The following NRXN3 variants were observed in gnomAD, a reference collection of about 807,000 sequenced individuals.
NRXN3 encodes neurexin 3.
In NRXN3, 32 loss-of-function variants were observed where a neutral mutation model predicts 137.6. The observed-to-expected ratio is 0.23, with a 90% confidence interval of 0.18 to 0.31. The LOEUF is 0.31. Among genes scored for constraint, NRXN3 ranks in the 10% least tolerant of loss-of-function variants. The pLI is 1.00. For synonymous variants in NRXN3, 798 were observed against 784.5 expected, an observed-to-expected ratio of 1.02 and a Z score of -0.29; for missense variants, 1,574 against 2,062.5, an observed-to-expected ratio of 0.76 and a Z score of 4.59.
chr14:78,938,002 G>T (rs1323377249), intron 10 of NRXN3, among the ~76,000 whole-genome samples: 1 of 152,224 alleles, frequency 6.6e-6, no homozygotes, highest in Admixed American at 6.5e-5. Context: ...TTAGACAAGT[G>T]ATTATTACTG....
chr14:79,329,458 G>T (rs1466106626), intron 15 of NRXN3, among the ~76,000 whole-genome samples: 1 of 152,086 alleles, frequency 6.6e-6, no homozygotes, highest in East Asian at 1.9e-4. Context: ...GACTCTACTG[G>T]CTGCATACCC....
chr14:78,685,569 A>G (rs2098117760), intron 6 of NRXN3, among the ~76,000 whole-genome samples: 1 of 149,356 alleles, frequency 6.7e-6, no homozygotes, highest in Admixed American at 6.7e-5. Context: ...TGGAATTGTC[A>G]TTACTCAAAT....
At chr14:78,771,519 C>T (rs181072699) in intron 8 of NRXN3, among the ~76,000 whole-genome samples, 236 of 152,266 alleles carry the variant, frequency 1.5e-3, no homozygotes, top group Non-Finnish European at 2.7e-3. Flanking sequence ...AGAAGATCTC[C>T]TCCAAGAGAA....
intron 16 of NRXN3, among the ~76,000 whole-genome samples, chr14:79,588,577 C>T (rs987756965): frequency 1.3e-5 from 2 of 152,150 alleles, no homozygotes; most frequent in African/African-American, 4.8e-5. Context: ...CTCTGTGGGA[C>T]TTACAGTAAT....
intron 19 of NRXN3, among the ~76,000 whole-genome samples, chr14:79,778,456 G>T (rs1346848774): frequency 6.6e-6 from 1 of 152,054 alleles, no homozygotes; most frequent in South Asian, 2.1e-4. Flanking sequence ...AAAAAGATGA[G>T]CAGCATGGAA....
At chr14:79,343,677 G>T (rs1398733142) in intron 15 of NRXN3, among the ~76,000 whole-genome samples, 1 of 152,176 alleles carries the variant, frequency 6.6e-6, no homozygotes, top group Non-Finnish European at 1.5e-5. Flanking sequence ...GAGTTGGAGA[G>T]AAATAATTTT....
rs376208098 is a variant in NRXN3 at position 79,137,418 on chromosome 14, C to T, written c.3262+149277C>T. Among the ~76,000 whole-genome samples, 28 of 150,082 alleles carry T rather than the reference C, an allele frequency of 1.9e-4. No homozygotes were observed. The East Asian group carries it at 2.6e-3, about 14-fold the overall frequency. On this transcript the variant is annotated intron_variant, in intron 15 of 20. Transcript: ENST00000335750. ...AAAAGTGATGCACACTGCCCCAACACGCACACATACACATACACCCCGCCT... is the reference window on the plus strand; with the variant it reads ...AAAAGTGATGCACACTGCCCCAACATGCACACATACACATACACCCCGCCT...
chr14:78,859,782 A>G (rs910487830), intron 10 of NRXN3, among the ~76,000 whole-genome samples: 2 of 152,152 alleles, frequency 1.3e-5, no homozygotes, highest in Non-Finnish European at 2.9e-5. Flanking sequence ...AAATTCATAT[A>G]GAATACCTTC....
chr14:79,605,857 C>G (rs1336805305), intron 16 of NRXN3, among the ~76,000 whole-genome samples: 3 of 152,124 alleles, frequency 2.0e-5, no homozygotes, highest in African/African-American at 7.2e-5. Context: ...CATGCCTTGT[C>G]AGCTATAATA....
chr14:79,626,753 T>C (rs2098285917), intron 16 of NRXN3, among the ~76,000 whole-genome samples: 1 of 152,224 alleles, frequency 6.6e-6, no homozygotes, highest in African/African-American at 2.4e-5. Flanking sequence ...ATTCAAGATT[T>C]CTCAGCACGA....
intron 15 of NRXN3, among the ~76,000 whole-genome samples, chr14:79,172,871 G>A (rs780715504): frequency 3.3e-5 from 5 of 152,126 alleles, no homozygotes; most frequent in Middle Eastern, 3.2e-3. Context: ...CATGAAAAGT[G>A]GGCAAATAGA....
At chr14:79,470,924 G>C (rs1301191061) in intron 16 of NRXN3, among the ~76,000 whole-genome samples, 1 of 102,864 alleles carries the variant, frequency 9.7e-6, no homozygotes, top group Non-Finnish European at 1.9e-5. Flanking sequence ...GTGTGTGAGA[G>C]AGAGAGAGAG....
intron 4 of NRXN3, among the ~76,000 whole-genome samples, chr14:78,581,433 A>G (rs955562968): frequency 6.6e-6 from 1 of 152,140 alleles, no homozygotes; most frequent in African/African-American, 2.4e-5. Context: ...GTGTCCTCAC[A>G]TAGCTGACCT....
intron 4 of NRXN3, among the ~76,000 whole-genome samples, chr14:78,535,238 TCTCTGTTTA>T (rs2096523883): frequency 6.6e-6 from 1 of 151,966 alleles, no homozygotes; most frequent in African/African-American, 2.4e-5. Context: ...AGACTCTGCT[TCTCTGTTTA>T]CTGGGCAAAG....
At chr14:78,943,911 G>T (rs116245689) in intron 10 of NRXN3, among the ~76,000 whole-genome samples, 113 of 151,882 alleles carry the variant, frequency 7.4e-4, no homozygotes, top group African/African-American at 2.6e-3. Flanking sequence ...GATAACTGAA[G>T]AATTAGTTTG....
rs73308540 is a variant in NRXN3, at chr14:78,219,915, G to A, written c.-703-22476G>A. Among the ~76,000 whole-genome samples the A allele has an allele frequency of 3.2e-3, 492 of 152,220 alleles. 3 individuals are homozygous for A. Among genetic ancestry groups the A allele is most frequent in the African/African-American group, 9.3e-3 (387 of 41,520 alleles). On this transcript the variant is annotated intron_variant, in intron 1 of 20. Coordinates refer to ENST00000335750, the MANE Select transcript of NRXN3 (RefSeq NM_001330195.2). ...AGACCTGTTTGAACTGAGTTACTGAGGTGGATGGGGATGGAGGGTAGAAGG... is the reference window on the plus strand; with the variant it reads ...AGACCTGTTTGAACTGAGTTACTGAAGTGGATGGGGATGGAGGGTAGAAGG...
intron 15 of NRXN3, among the ~76,000 whole-genome samples, chr14:79,439,912 G>GT (rs992355189): frequency 8.5e-5 from 13 of 152,148 alleles, no homozygotes; most frequent in Non-Finnish European, 2.9e-5. Context: ...AGTCCATCCT[G>GT]TTTTTTGTGG....
chr14:79,447,308 T>TTTCTGAA (rs1439252191), intron 15 of NRXN3, among the ~76,000 whole-genome samples: 2 of 152,176 alleles, frequency 1.3e-5, no homozygotes, highest in African/African-American at 4.8e-5. Context: ...AGACAGAGTA[T>TTTCTGAA]ATACCCCTCA....
At chr14:78,992,157 A>T (rs1353575148) in intron 15 of NRXN3, among the ~76,000 whole-genome samples, 1 of 152,218 alleles carries the variant, frequency 6.6e-6, no homozygotes, top group Non-Finnish European at 1.5e-5. Flanking sequence ...TGGTAAAGTC[A>T]TGGGGAGTTT....
Sources: allele counts gnomAD v4.1 joint callset (sites outside exome capture counted in the v4.1 genomes callset), GRCh38; gene constraint gnomAD v4.1.1; transcripts MANE v1.5; gene names NCBI Gene and HGNC (gene_info 2026-07-23, HGNC 2026-07-21).